Variants in ABCC5 observed in about 807,000 individuals in gnomAD.
The protein encoded by ABCC5 is ATP binding cassette subfamily C member 5, also known as ATP-binding cassette sub-family C member 5.
ABCC5 carries 61 observed loss-of-function variants against 160.9 expected under a neutral mutation model. That is an observed-to-expected ratio of 0.38 (90% confidence interval 0.31 to 0.47). The LOEUF is 0.47. Among genes scored for constraint, ABCC5 ranks in the 20% least tolerant of loss-of-function variants. ABCC5 has a pLI of 0.99. For synonymous variants in ABCC5, 666 were observed against 700.6 expected (o/e 0.95, Z 0.78); for missense variants, 1,308 against 1,813.3 (o/e 0.72, Z 5.06).
Position 183,928,927 on chromosome 3 carries a change from G to C in ABCC5, c.3855-102C>G, listed in dbSNP as rs1437505509. 4 of 913,178 alleles carry C rather than the reference G, an allele frequency of 4.4e-6. No individual in the cohort carries two copies. The Admixed American group carries it at 6.1e-5, about 14-fold the overall frequency. 56.6% of individuals were successfully genotyped at this position (913,178 alleles called of 1,614,324 possible). A position where few individuals can be genotyped will look rare whatever the true frequency, so the allele number is the denominator to read the frequency against. The stretch of plus-strand genomic sequence containing the variant: ...TTAACACACATGCATAGGGAGAGAA[G>C]ACTCCAAACCCTGATGGTCACAGAC... On this transcript the variant is annotated intron_variant, in intron 26 of 29. Transcript: ENST00000334444.
chr3:183,925,824 T>C, intron 28 of ABCC5, 105 bp from the exon 29 acceptor site: 3 of 1,159,092 alleles, frequency 2.6e-6, no homozygotes, highest in Non-Finnish European at 3.5e-6. Flanking sequence ...ACACTATCTA[T>C]TGTTTTCTTT....
chr3:183,977,563 GA>G lies in ABCC5; in HGVS notation c.1357del (p.Ser453GlnfsTer2). 1 of 1,614,086 alleles carries G rather than the reference GA, an allele frequency of 6.2e-7. No individual in the cohort carries two copies. Among genetic ancestry groups the G allele is most frequent in the Non-Finnish European group, 8.5e-7 (1 of 1,179,968 alleles). On this transcript the variant is annotated frameshift_variant, in exon 10 of 30. Transcript: ENST00000334444. LOFTEE classifies it high-confidence loss of function. ...MTFALKVTPF[S>X]VKSLSEASVA... ...TGAGGCTTCTGAGAGGGACTTTACT[GA>G]AAACGGTGTTACTTTCAAAGCAAAA... is the stretch of plus-strand genomic sequence containing the variant.
At chr3:183,991,998 A>G (rs113302444) in intron 2 of ABCC5, among the ~76,000 whole-genome samples, 6 of 152,344 alleles carry the variant, frequency 3.9e-5, no homozygotes, top group African/African-American at 1.4e-4. Flanking sequence ...CCAAAGCTTC[A>G]GAAGATGACA....
At chr3:183,966,232 C>T (rs903551854) in intron 12 of ABCC5, among the ~76,000 whole-genome samples, 13 of 152,210 alleles carry the variant, frequency 8.5e-5, no homozygotes, top group Non-Finnish European at 1.5e-4. Flanking sequence ...AGCTGGTCTT[C>T]TCAAACACCC....
chr3:183,967,670 A>C, intron 12 of ABCC5, 25 bp downstream of exon 12: 3 of 1,595,490 alleles, frequency 1.9e-6, no homozygotes, highest in Non-Finnish European at 2.6e-6. Flanking sequence ...AAAGCAGCAG[A>C]AAAGGACAAT....
At chr3:183,989,592 C>CTTTT (rs10670556) in intron 2 of ABCC5, among the ~76,000 whole-genome samples, 1 of 145,494 alleles carries the variant, frequency 6.9e-6, no homozygotes, top group African/African-American at 2.5e-5. Context: ...AAACAGTTTT[C>CTTTT]TTTTTTTTTT....
chr3:184,008,418 T>A (rs772909572), intron 2 of ABCC5, among the ~76,000 whole-genome samples: 5 of 152,252 alleles, frequency 3.3e-5, no homozygotes, highest in Admixed American at 6.5e-5. Context: ...AACTTCATGT[T>A]AGCTGAAGTA....
chr3:183,923,115 A>C (rs1258659914), intron 29 of ABCC5, among the ~76,000 whole-genome samples: 1 of 151,740 alleles, frequency 6.6e-6, no homozygotes, highest in Non-Finnish European at 1.5e-5. Flanking sequence ...CTGGGGGTAA[A>C]TGGCTTATCA....
Position 184,012,058 on chromosome 3 carries a change from T to C in ABCC5, c.129+2206A>G, listed in dbSNP as rs147015359. On this transcript the variant is annotated intron_variant, in intron 2 of 29. Transcript: ENST00000334444. Reference sequence around the variant, plus strand: ...ACACACACACACACAAATGAGTGCATATAAAACTGGTGAAATCCTAAAGTC... The same window carrying C: ...ACACACACACACACAAATGAGTGCACATAAAACTGGTGAAATCCTAAAGTC... Among the ~76,000 whole-genome samples the C allele has an allele frequency of 1.7e-3, 218 of 125,714 alleles. 4 individuals are homozygous for C. The South Asian group carries it at 0.018, about 11-fold the overall frequency. 82.5% of individuals were successfully genotyped at this position (125,714 alleles called of 152,430 possible).
chr3:183,965,279 C>T (rs770708980), intron 13 of ABCC5, 22 bp from the exon 14 acceptor site: 13 of 1,614,164 alleles, frequency 8.1e-6, no homozygotes, highest in Non-Finnish European at 1.0e-5. Flanking sequence ...AAAGAGACAG[C>T]GTCAGGGACA....
intron 2 of ABCC5, among the ~76,000 whole-genome samples, chr3:183,994,071 C>T (rs1720030465): frequency 6.6e-6 from 1 of 150,528 alleles, no homozygotes; most frequent in East Asian, 2.0e-4. Flanking sequence ...TCCAGCAATT[C>T]ACTTGCCTCA....
chr3:183,971,523 G>A, intron 11 of ABCC5, 40 bp downstream of exon 11: 1 of 1,572,448 alleles, frequency 6.4e-7, no homozygotes, highest in Non-Finnish European at 8.7e-7. Flanking sequence ...AGCATGGGGT[G>A]GTGGGGTGCG....
At chr3:183,939,469 T>G (rs1714077535) in intron 25 of ABCC5, among the ~76,000 whole-genome samples, 1 of 152,136 alleles carries the variant, frequency 6.6e-6, no homozygotes, top group African/African-American at 2.4e-5. Flanking sequence ...TAACACTCAG[T>G]CAACCATCTT....
chr3:183,987,756 T>C lies in ABCC5; in HGVS notation c.591+14A>G, dbSNP rs376532253. 3.7e-6 allele frequency: 6 copies of C among 1,614,118 alleles called. No individual in the cohort carries two copies. In the African/African-American group the frequency reaches 5.3e-5, roughly 14 times the overall value. On this transcript the variant is annotated intron_variant, in intron 5 of 29. Transcript: ENST00000334444. The surrounding 1 kb of genome is among the most constrained non-coding windows in gnomAD (Gnocchi z 4.2). ...GGCCCCTGGAGACTGTCGGAAAGGA[T>C]GGTTAGAACTTACTGGTCCACTGAA...
chr3:183,931,532 C>T (rs1713181866), intron 26 of ABCC5, among the ~76,000 whole-genome samples: 1 of 152,146 alleles, frequency 6.6e-6, no homozygotes, highest in Admixed American at 6.6e-5. Flanking sequence ...TAGGGTTTTG[C>T]CATGTTGGCC....
intron 29 of ABCC5, among the ~76,000 whole-genome samples, chr3:183,922,640 G>A (rs550023257): frequency 1.7e-4 from 26 of 152,318 alleles, no homozygotes; most frequent in Admixed American, 1.4e-3. Flanking sequence ...TGAATGATAC[G>A]CTGGCAGAAC....
Position 183,987,511 on chromosome 3 carries a change from G to A in ABCC5, c.591+259C>T, listed in dbSNP as rs1433046060. ...TGTTAACACACAACCGAGAAGCACA[G>A]TCCTGTGCAGAACTGGAGTCAGTTC... On this transcript the variant is annotated intron_variant, in intron 5 of 29. Transcript: ENST00000334444. The surrounding 1 kb of genome is among the most constrained non-coding windows in gnomAD (Gnocchi z 4.2). 3.2e-6 allele frequency: 2 copies of A among 615,674 alleles called. No homozygotes were observed. Among genetic ancestry groups the A allele is most frequent in the South Asian group, 1.9e-5 (1 of 51,692 alleles). The allele number at this position is 615,674 out of a possible 1,614,324, so 38.1% of individuals were successfully genotyped here. A position where few individuals can be genotyped will look rare whatever the true frequency, so the allele number is the denominator to read the frequency against.
intron 17 of ABCC5, among the ~76,000 whole-genome samples, chr3:183,953,597 T>C (rs1442622739): frequency 2.0e-5 from 3 of 152,130 alleles, no homozygotes; most frequent in Non-Finnish European, 4.4e-5. Flanking sequence ...AATGTGATGA[T>C]AGAGCTATAC....
intron 17 of ABCC5, among the ~76,000 whole-genome samples, chr3:183,955,099 G>A (rs190301758): frequency 8.5e-5 from 13 of 152,288 alleles, no homozygotes; most frequent in Admixed American, 8.5e-4. Context: ...CCCAGTAGCA[G>A]ACGTCAGAGA....
Sources: allele counts gnomAD v4.1 joint callset (sites outside exome capture counted in the v4.1 genomes callset), GRCh38; gene constraint gnomAD v4.1.1; non-coding constraint Gnocchi (gnomAD v3.1); transcripts MANE v1.5; gene names NCBI Gene and HGNC (gene_info 2026-07-23, HGNC 2026-07-21).